Variants in UPF1 observed in about 807,000 individuals in gnomAD.
The protein encoded by UPF1 is UPF1 RNA helicase and ATPase.
UPF1 carries 9 observed loss-of-function variants against 129.2 expected under a neutral mutation model. The observed-to-expected ratio is 0.07, with a 90% CI of 0.04 to 0.12. UPF1 has a LOEUF of 0.12. UPF1 is among the 10% of genes least tolerant of loss of function. The pLI, the probability that UPF1 is intolerant of heterozygous loss-of-function variation, is 1.00. For missense variants in UPF1, 788 were observed against 1,525.3 expected (o/e 0.52, Z 8.05); for synonymous variants, 649 against 644.9 (o/e 1.01, Z -0.10).
chr19:18,843,245 T>G (rs894132816), intron 1 of UPF1, among the ~76,000 whole-genome samples: 1 of 151,948 alleles, frequency 6.6e-6, no homozygotes, highest in Admixed American at 6.5e-5. Context: ...TCCATCTAGG[T>G]GCTGGGCTCA....
chr19:18,865,487 T>A lies in UPF1; in HGVS notation c.3019+37T>A, dbSNP rs200672817. On this transcript the variant is annotated intron_variant, in intron 21 of 23. Transcript: ENST00000262803. This position sits in a 1 kb window ranked among gnomAD's most constrained non-coding sequence, Gnocchi z 6.1. ...TGGCTGCGGCTGGGTGTGGCCCTCC[T>A]GAGAGCTCTTGAGGGTGTGCTTGTC... 48 of 1,611,480 alleles carry A rather than the reference T, an allele frequency of 3.0e-5. No individual in the cohort carries two copies. The East Asian group carries it at 1.0e-3, about 34-fold the overall frequency.
At position 18,856,308 on chromosome 19, in the gene UPF1, C is replaced by G; in HGVS notation, c.1824+8C>G. 2 of 1,585,188 alleles carry G rather than the reference C, an allele frequency of 1.3e-6. No individual in the cohort carries two copies. The highest frequency in any genetic ancestry group is 1.7e-6 in the Non-Finnish European group (2 of 1,157,634). On this transcript the variant is annotated splice_region_variant and intron_variant, in intron 13 of 23. Coordinates refer to ENST00000262803, the MANE Select transcript of UPF1 (RefSeq NM_002911.4). Reference sequence around the variant, plus strand: ...GAGAGAGAGCTGCTGATGGTGAGTGCCCCTCCTGCCTGCAAAAGGGCCTGT... The same window carrying G: ...GAGAGAGAGCTGCTGATGGTGAGTGGCCCTCCTGCCTGCAAAAGGGCCTGT...
chr19:18,857,372 A>C lies in UPF1; in HGVS notation c.2021A>C (p.Lys674Thr), dbSNP rs759290914. 1.2e-6 allele frequency: 2 copies of C among 1,613,290 alleles called. No individual in the cohort carries two copies. Among genetic ancestry groups the C allele is most frequent in the African/African-American group, 1.3e-5 (1 of 74,952 alleles). The change falls in exon 15 of 24, where the codon AAG becomes ACG. Residue 674 changes from lysine to threonine, a missense_variant. By Grantham distance (78) the Lys-to-Thr change is moderately conservative. This residue lies in a region of UPF1 where 140 missense variants were observed against 385.9 expected (regional missense o/e 0.36). Coordinates refer to ENST00000262803, the MANE Select transcript of UPF1 (RefSeq NM_002911.4). Reference protein sequence around the residue: ...CQLGPVVMCKKAAKAGLSQSL... With the variant: ...CQLGPVVMCKTAAKAGLSQSL... ...CTGGGCCCAGTGGTGATGTGCAAGA[A>C]GGCGGCCAAGGCCGGGCTGTCACAG...
chr19:18,866,033 T>C lies in UPF1; in HGVS notation c.3238-11T>C. 1 of 1,613,344 alleles carries C rather than the reference T, an allele frequency of 6.2e-7. No individual in the cohort carries two copies. Among genetic ancestry groups the C allele is most frequent in the Non-Finnish European group, 8.5e-7 (1 of 1,179,884 alleles). On this transcript the variant is annotated splice_polypyrimidine_tract_variant and intron_variant, in intron 22 of 23. Coordinates refer to ENST00000262803, the MANE Select transcript of UPF1 (RefSeq NM_002911.4). ...CCTGTGGCTTGCTTACCTCCTGACC[T>C]TGTCTTTCAGGACAGTTACCTTGGT... is the stretch of plus-strand genomic sequence containing the variant.
At chr19:18,844,136 G>C (rs1214590474) in intron 1 of UPF1, among the ~76,000 whole-genome samples, 3 of 152,072 alleles carry the variant, frequency 2.0e-5, no homozygotes, top group Non-Finnish European at 2.9e-5. Context: ...TGGACTTCCA[G>C]GATGTGGTTT....
rs761229525 is a variant in UPF1, at chr19:18,866,305, G to T, written c.*3+139G>T. On this transcript the variant is annotated intron_variant, in intron 23 of 23. Transcript: ENST00000262803. ...CCTGGTGGGGGTCATAGGCCCTCAG[G>T]GCCAGCTTGGCCTGTGCCCTTCACT... 42 of 1,309,060 alleles carry T rather than the reference G, an allele frequency of 3.2e-5. No homozygotes were observed. In the East Asian group the frequency reaches 3.7e-4, roughly 12 times the overall value. 81.1% of individuals were successfully genotyped at this position (1,309,060 alleles called of 1,614,324 possible). A position where few individuals can be genotyped will look rare whatever the true frequency, so the allele number is the denominator to read the frequency against.
At chr19:18,841,425 A>G (rs2145937564) in intron 1 of UPF1, among the ~76,000 whole-genome samples, 1 of 152,294 alleles carries the variant, frequency 6.6e-6, no homozygotes, top group East Asian at 1.9e-4. Context: ...CCGTTATCAC[A>G]CAAGCAGCGT....
chr19:18,856,065 A>C lies in UPF1; in HGVS notation c.1685A>C (p.His562Pro). 1 of 1,614,076 alleles carries C rather than the reference A, an allele frequency of 6.2e-7. No homozygotes were observed. Among genetic ancestry groups the C allele is most frequent in the Non-Finnish European group, 8.5e-7 (1 of 1,180,030 alleles). ...TCCCCGGTGTCTTTTCTGGCCCTGC[A>C]CAACCAGATCAGGAACATGGACAGG... Reference protein sequence around the residue: ...IDSPVSFLALHNQIRNMDSMP... With the variant: ...IDSPVSFLALPNQIRNMDSMP... The change falls in exon 12 of 24, where the codon CAC (histidine) becomes CCC (proline). Residue 562 changes from histidine to proline, a missense_variant. Around this residue, in one of 6 missense-constraint regions of UPF1, gnomAD observed 91 missense variants for 157.2 expected, o/e 0.58. Transcript: ENST00000262803.
Position 18,853,225 on chromosome 19 carries a change from C to T in UPF1, c.1058-27C>T. On this transcript the variant is annotated intron_variant, in intron 7 of 23. Coordinates refer to ENST00000262803, the MANE Select transcript of UPF1 (RefSeq NM_002911.4). The surrounding 1 kb of genome is among the most constrained non-coding windows in gnomAD (Gnocchi z 4.4). ...GAAGCGACGGCGTGGGTTAAAATGG[C>T]CACCTCTCTCACTTTTTTACCTCAA... 6.2e-7 allele frequency: 1 copy of T among 1,603,392 alleles called. No homozygotes were observed.
At position 18,865,935 on chromosome 19, in the gene UPF1, C is replaced by G; in HGVS notation, c.3238-109C>G. ...GGTCATCAGAGTGGGTCTCCTGGGT[C>G]TTAGTTTGGGGACGGGTTTTCCATT... On this transcript the variant is annotated intron_variant, in intron 22 of 23. Coordinates refer to ENST00000262803, the MANE Select transcript of UPF1 (RefSeq NM_002911.4). This position sits in a 1 kb window ranked among gnomAD's most constrained non-coding sequence, Gnocchi z 6.1. The G allele has an allele frequency of 2.5e-6, 4 of 1,590,026 alleles. No homozygotes were observed. The highest frequency in any genetic ancestry group is 2.6e-6 in the Non-Finnish European group (3 of 1,171,962).
intron 15 of UPF1, among the ~76,000 whole-genome samples, chr19:18,858,031 CTG>C (rs1349400596): frequency 8.5e-5 from 13 of 152,178 alleles, no homozygotes; most frequent in African/African-American, 2.7e-4. Context: ...AGCAGCCAGA[CTG>C]TGCCCGGATC....
intron 11 of UPF1, 113 bp downstream of exon 11, chr19:18,855,355 G>A (rs1416241446): frequency 1.0e-5 from 12 of 1,179,664 alleles, no homozygotes; most frequent in East Asian, 2.5e-5. Context: ...AGCACGTGGC[G>A]GGTAGTGTCG....
Position 18,853,367 on chromosome 19 carries a change from G to T in UPF1, c.1156+17G>T. On this transcript the variant is annotated intron_variant, in intron 8 of 23. Transcript: ENST00000262803. The surrounding 1 kb of genome is among the most constrained non-coding windows in gnomAD (Gnocchi z 4.4). ...TCCCTGATAGTATCCTTCATGTGAA[G>T]AGGGTGTGGCCGGCTGGTGGGAGAG... is the stretch of plus-strand genomic sequence containing the variant. 6.3e-7 allele frequency: 1 copy of T among 1,589,542 alleles called. No individual in the cohort carries two copies. Among genetic ancestry groups the T allele is most frequent in the Non-Finnish European group, 8.6e-7 (1 of 1,167,696 alleles).
In UPF1 at chr19:18,862,058, T is replaced by C; in HGVS notation, c.2506T>C (p.Phe836Leu). ...CGCCTTTCAGGGACGCGAGAAGGACTTCATCATCCTGTCCTGTGTGCGGGC... is the reference window on the plus strand; with the variant it reads ...CGCCTTTCAGGGACGCGAGAAGGACCTCATCATCCTGTCCTGTGTGCGGGC... ...VDAFQGREKD[F>L]IILSCVRANE... Residue 836 changes from phenylalanine to leucine, a missense_variant, in exon 18 of 24, where the codon TTC (phenylalanine) becomes CTC (leucine). Phe to Leu is a conservative substitution (Grantham distance 22). This residue lies in a region of UPF1 where 140 missense variants were observed against 385.9 expected (regional missense o/e 0.36). Transcript: ENST00000262803. 1 of 1,614,062 alleles carries C rather than the reference T, an allele frequency of 6.2e-7. No individual in the cohort carries two copies. The highest frequency in any genetic ancestry group is 8.5e-7 in the Non-Finnish European group (1 of 1,180,018).
chr19:18,854,972 AATC>A lies in UPF1; in HGVS notation c.1364_1366del (p.Ile455del). On this transcript the variant is annotated inframe_deletion, in exon 10 of 24. Coordinates refer to ENST00000262803, the MANE Select transcript of UPF1 (RefSeq NM_002911.4). ...TGTTGGGCCACGAGGTGGAGGACGT[AATC>A]ATCAAGTGCCAGCTGCCCAAGCGCT... The A allele has an allele frequency of 6.2e-7, 1 of 1,614,206 alleles. No homozygotes were observed. The highest frequency in any genetic ancestry group is 8.5e-7 in the Non-Finnish European group (1 of 1,180,050).
At chr19:18,849,869 G>C in intron 3 of UPF1, 2 of 605,634 alleles carry the variant, frequency 3.3e-6, no homozygotes, top group Admixed American at 6.2e-5. Context: ...TTTCCTTAAA[G>C]TGGTTCAAGT....
At chr19:18,839,673 C>T (rs973417939) in intron 1 of UPF1, among the ~76,000 whole-genome samples, 4 of 152,200 alleles carry the variant, frequency 2.6e-5, no homozygotes, top group Non-Finnish European at 4.4e-5. Context: ...GCACCCTCTG[C>T]GAGCTGCTGG....
chr19:18,854,921 G>A lies in UPF1; in HGVS notation c.1308G>A (p.Ser436=), dbSNP rs137917420. 72 of 1,614,114 alleles carry A rather than the reference G, an allele frequency of 4.5e-5. No individual in the cohort carries two copies. The highest frequency in any genetic ancestry group is 5.6e-5 in the Non-Finnish European group (66 of 1,180,054). ...ALKTFAVDET[S]VSGYIYHKLL... ...AAACGTTTGCCGTGGATGAGACCTC[G>A]GTGTCTGGCTACATCTACCACAAGC... is the stretch of plus-strand genomic sequence containing the variant. Residue 436 remains serine, a synonymous_variant, in exon 10 of 24, where the codon TCG becomes TCA. Coordinates refer to ENST00000262803, the MANE Select transcript of UPF1 (RefSeq NM_002911.4).
chr19:18,833,655 G>T (rs2055453232), intron 1 of UPF1, among the ~76,000 whole-genome samples: 1 of 152,120 alleles, frequency 6.6e-6, no homozygotes, highest in South Asian at 2.1e-4. Flanking sequence ...GGCTTGCTTT[G>T]TGCCTGACCT....
Sources: gnomAD v4.1 joint callset for allele counts (sites outside exome capture counted in the v4.1 genomes callset) on GRCh38, gnomAD v4.1.1 for gene constraint, gnomAD v4.1.1 regional missense constraint, Gnocchi (gnomAD v3.1) non-coding constraint, MANE v1.5 for transcripts, NCBI Gene and HGNC (gene_info 2026-07-23, HGNC 2026-07-21) for gene names.